The following CMC2 variants were observed in gnomAD, a reference collection of about 807,000 sequenced individuals.
The protein encoded by CMC2 is C-X9-C motif containing 2, also known as COX assembly mitochondrial protein 2 homolog.
Under a neutral mutation model 7.5 loss-of-function variants are expected in CMC2, and 5 were observed. The observed-to-expected ratio is 0.66, with a 90% CI of 0.35 to 1.40. CMC2 has a LOEUF of 1.40. Among genes scored for constraint, CMC2 ranks in the 40% most tolerant of loss-of-function variants. The probability of loss-of-function intolerance (pLI) is 0.04; values close to 1 mark genes in which losing one functional copy is unlikely to be tolerated. For synonymous variants in CMC2, 37 were observed against 31.4 expected, an observed-to-expected ratio of 1.18 and a Z score of -0.60; for missense variants, 115 against 92.3, an observed-to-expected ratio of 1.25 and a Z score of -1.01.
At chr16:80,997,706 G>A (rs867442998) in intron 1 of CMC2, 1 of 205,220 alleles carries the variant, frequency 4.9e-6, no homozygotes, top group African/African-American at 2.3e-5. Context: ...CACTAAAGCA[G>A]AAACAGCTTG....
rs1452271408 is a variant in CMC2 at position 80,973,799 on chromosome 16, TTACTC to T, written c.*2289_*2293del. 3 of 151,296 alleles carry T rather than the reference TTACTC, an allele frequency of 2.0e-5. No individual in the cohort carries two copies. Among genetic ancestry groups the T allele is most frequent in the Non-Finnish European group, 2.9e-5 (2 of 68,040 alleles). 9.4% of individuals were successfully genotyped at this position (151,296 alleles called of 1,614,324 possible). ...ATTGCCATAGCCTTCAGTGTGTACTTTACTCTACAGGGATCAGCAACAGCTGCAAC... is the reference window on the plus strand; with the variant it reads ...ATTGCCATAGCCTTCAGTGTGTACTTTACAGGGATCAGCAACAGCTGCAAC... On this transcript the variant is annotated 3_prime_UTR_variant, in exon 4 of 4. Coordinates refer to ENST00000219400, the MANE Select transcript of CMC2 (RefSeq NM_020188.5).
rs1567498730 is a variant in CMC2, at chr16:80,971,462, AAAG to A, written c.*4628_*4630del. The A allele has an allele frequency of 1.3e-5, 2 of 151,074 alleles. No individual in the cohort carries two copies. The highest frequency in any genetic ancestry group is 4.9e-5 in the African/African-American group (2 of 40,968). 9.4% of individuals were successfully genotyped at this position (151,074 alleles called of 1,614,324 possible). A position where few individuals can be genotyped will look rare whatever the true frequency, so the allele number is the denominator to read the frequency against. ...ACATAGTATTTTTTTTTTAAAAAAA[AAAG>A]GTACGCTACCAAAGGCTACACACAT... is the stretch of plus-strand genomic sequence containing the variant. On this transcript the variant is annotated 3_prime_UTR_variant, in exon 4 of 4. Coordinates refer to ENST00000219400, the MANE Select transcript of CMC2 (RefSeq NM_020188.5).
chr16:80,975,909 T>C lies in CMC2; in HGVS notation c.*184A>G. ...AGGTTTGCTGGTAAAGGGGAGACAG[T>C]ACTAAACGCCCTGCCCAACAAATAC... On this transcript the variant is annotated 3_prime_UTR_variant, in exon 4 of 4. Transcript: ENST00000219400. 1 of 565,720 alleles carries C rather than the reference T, an allele frequency of 1.8e-6. No individual in the cohort carries two copies. Among genetic ancestry groups the C allele is most frequent in the Non-Finnish European group, 3.1e-6 (1 of 320,716 alleles). 35.0% of individuals were successfully genotyped at this position (565,720 alleles called of 1,614,324 possible).
At chr16:80,982,025 G>T in intron 2 of CMC2, 148 bp from the exon 3 acceptor site, 2 of 546,440 alleles carry the variant, frequency 3.7e-6, no homozygotes, top group Non-Finnish European at 6.5e-6. Flanking sequence ...ATAAAACACA[G>T]TTGGCCCTTG....
At position 80,973,248 on chromosome 16, in the gene CMC2, C is replaced by T. The variant is rs1567499599; in HGVS notation, c.*2845G>A. 2.0e-5 allele frequency: 3 copies of T among 152,356 alleles called. No homozygotes were observed. Among genetic ancestry groups the T allele is most frequent in the Admixed American group, 2.0e-4 (3 of 15,300 alleles). The allele number at this position is 152,356 out of a possible 1,614,324, so 9.4% of individuals were successfully genotyped here. A position where few individuals can be genotyped will look rare whatever the true frequency, so the allele number is the denominator to read the frequency against. ...CTAGAGGCCTGGCCCTTCCTTCTGC[C>T]TCATATTAAGCCCCTCACCCCTTTA... On this transcript the variant is annotated 3_prime_UTR_variant, in exon 4 of 4. Transcript: ENST00000219400.
At chr16:80,989,907 A>T (rs1967839092) in intron 2 of CMC2, among the ~76,000 whole-genome samples, 1 of 152,232 alleles carries the variant, frequency 6.6e-6, no homozygotes, top group Non-Finnish European at 1.5e-5. Flanking sequence ...CAGAACTGCC[A>T]ATCCACACTG....
Position 80,988,967 on chromosome 16 carries a change from C to T in CMC2, c.82-7090G>A, listed in dbSNP as rs1220145405. ...GGGTTTGTCTGGTGTTTCTTCACAA[C>T]TCGATTCAGGTCGTGACTTTTTGGC... On this transcript the variant is annotated intron_variant, in intron 2 of 3. Transcript: ENST00000219400. Among the ~76,000 whole-genome samples, 3 of 152,132 alleles carry T rather than the reference C, an allele frequency of 2.0e-5. No individual in the cohort carries two copies. In the East Asian group the frequency reaches 5.8e-4, roughly 29 times the overall value.
In CMC2 at chr16:80,972,148, T is replaced by C. The variant is rs949618805; in HGVS notation, c.*3945A>G. ...GCAGGAGACTGGTAACAATAAAGCA[T>C]CCCTTTGCTTTCCCTTCACCACTTT... On this transcript the variant is annotated 3_prime_UTR_variant, in exon 4 of 4. Transcript: ENST00000219400. The C allele has an allele frequency of 1.3e-5, 2 of 152,216 alleles. No homozygotes were observed. The highest frequency in any genetic ancestry group is 2.9e-5 in the Non-Finnish European group (2 of 68,068). The allele number at this position is 152,216 out of a possible 1,614,324, so 9.4% of individuals were successfully genotyped here.
intron 3 of CMC2, among the ~76,000 whole-genome samples, chr16:80,978,994 T>C (rs1444297184): frequency 6.6e-6 from 1 of 151,652 alleles, no homozygotes; most frequent in African/African-American, 2.4e-5. Flanking sequence ...GGCAGGAGAA[T>C]GGCGTGAACC....
At chr16:80,998,282 T>A (rs1312128834) in intron 1 of CMC2, 1 of 151,998 alleles carries the variant, frequency 6.6e-6, no homozygotes, top group East Asian at 1.9e-4. Context: ...AAGAACCGAT[T>A]ACCTGCTTTA....
intron 1 of CMC2, 127 bp downstream of exon 1, chr16:81,006,607 G>T: frequency 5.8e-6 from 4 of 684,724 alleles, no homozygotes; most frequent in Non-Finnish European, 7.2e-6. Flanking sequence ...TGCGGCAGCC[G>T]GGTCTTCCTG....
intron 1 of CMC2, chr16:80,998,122 T>G (rs1341111000): frequency 3.9e-5 from 5 of 127,516 alleles, no homozygotes; most frequent in African/African-American, 8.5e-5. Context: ...TTTTTTTTTT[T>G]GTAGTCAGGG....
rs1911915372 is a variant in CMC2 at position 80,971,556 on chromosome 16, CATACATTTTATAT to C, written c.*4524_*4536del. On this transcript the variant is annotated 3_prime_UTR_variant, in exon 4 of 4. Coordinates refer to ENST00000219400, the MANE Select transcript of CMC2 (RefSeq NM_020188.5). ...AAATATGGCTATGGATACTGACATA[CATACATTTTATAT>C]ATATATATATATATATGTATGAAAT... The C allele has an allele frequency of 6.9e-5, 7 of 101,974 alleles. 1 individual carries two copies. Among genetic ancestry groups the C allele is most frequent in the Admixed American group, 2.8e-4 (3 of 10,566 alleles). 6.3% of individuals were successfully genotyped at this position (101,974 alleles called of 1,614,324 possible).
At chr16:80,997,592 A>C (rs983493518) in intron 1 of CMC2, 163 bp from the exon 2 acceptor site, 7 of 481,218 alleles carry the variant, frequency 1.5e-5, no homozygotes, top group African/African-American at 1.2e-4. Context: ...AAGCTTTCTA[A>C]TTCAATGATT....
chr16:80,980,629 T>A (rs1967038947), intron 3 of CMC2: 1 of 417,536 alleles, frequency 2.4e-6, no homozygotes, highest in African/African-American at 2.1e-5. Context: ...GTGACTCATG[T>A]CTGTAGTCCC....
Position 80,992,910 on chromosome 16 carries a change from TG to T in CMC2, c.81+4403del. Reference sequence around the variant, plus strand: ...TCTTGCTATGTTGCCCAAGCTGGTCTGGAACTCCAGGCCTCAAACGATCCTT... The same window carrying T: ...TCTTGCTATGTTGCCCAAGCTGGTCTGAACTCCAGGCCTCAAACGATCCTT... On this transcript the variant is annotated intron_variant, in intron 2 of 3. Coordinates refer to ENST00000219400, the MANE Select transcript of CMC2 (RefSeq NM_020188.5). Among the ~76,000 whole-genome samples, 3 of 152,292 alleles carry T rather than the reference TG, an allele frequency of 2.0e-5. 1 individual carries two copies. The highest frequency in any genetic ancestry group is 2.0e-4 in the Admixed American group (3 of 15,290).
In CMC2 at chr16:80,970,087, T is replaced by C. The variant is rs1911814366; in HGVS notation, c.*6006A>G. On this transcript the variant is annotated 3_prime_UTR_variant, in exon 4 of 4. Transcript: ENST00000219400. ...TAGTAAGCAATGACAGACAGGTATT[T>C]AAATAACTTACCTGACCATTGGGAG... The C allele has an allele frequency of 6.6e-6, 1 of 152,142 alleles. No individual in the cohort carries two copies. The highest frequency in any genetic ancestry group is 2.4e-5 in the African/African-American group (1 of 41,438). The allele number at this position is 152,142 out of a possible 1,614,324, so 9.4% of individuals were successfully genotyped here. A position where few individuals can be genotyped will look rare whatever the true frequency, so the allele number is the denominator to read the frequency against.
chr16:80,997,018 G>C (rs1968473052), intron 2 of CMC2: 9 of 489,252 alleles, frequency 1.8e-5, no homozygotes, highest in Non-Finnish European at 3.5e-5. Flanking sequence ...CTGTTCTAGT[G>C]CCCTATAATT....
Position 80,968,394 on chromosome 16 carries a change from T to C in CMC2, c.*7699A>G, listed in dbSNP as rs1471929227. The C allele has an allele frequency of 6.6e-6, 1 of 152,154 alleles. No homozygotes were observed. The highest frequency in any genetic ancestry group is 6.5e-5 in the Admixed American group (1 of 15,276). The allele number at this position is 152,154 out of a possible 1,614,324, so 9.4% of individuals were successfully genotyped here. ...CTGAGATTCTGCGTTGCTAACAAACTTTCCCGGGTTACGCTAAAGCTGCTG... is the reference window on the plus strand; with the variant it reads ...CTGAGATTCTGCGTTGCTAACAAACCTTCCCGGGTTACGCTAAAGCTGCTG... On this transcript the variant is annotated 3_prime_UTR_variant, in exon 4 of 4. Transcript: ENST00000219400.
Sources: allele counts gnomAD v4.1 joint callset (sites outside exome capture counted in the v4.1 genomes callset), GRCh38; gene constraint gnomAD v4.1.1; transcripts MANE v1.5; gene names NCBI Gene and HGNC (gene_info 2026-07-23, HGNC 2026-07-21).